ALPK2: variants seen among roughly 807,000 people sequenced by gnomAD.
The protein encoded by ALPK2 is alpha-protein kinase 2.
Under a neutral mutation model 163.1 loss-of-function variants are expected in ALPK2, and 127 were observed. That is an observed-to-expected ratio of 0.78 (90% CI 0.67 to 0.90). The LOEUF is 0.90. ALPK2 is among the 40% of genes least tolerant of loss of function. The pLI is 0.00. For missense variants in ALPK2, 2,360 were observed against 2,589.6 expected (o/e 0.91, Z 1.92); for synonymous variants, 953 against 959.1 (o/e 0.99, Z 0.12).
chr18:58,578,734 A>ACACACACACGCGCGCACGCGCGCGCG (rs745812070), intron 4 of ALPK2, 80 bp downstream of exon 4: 88 of 396,664 alleles, frequency 2.2e-4, no homozygotes, highest in South Asian at 2.2e-4. Flanking sequence ...AAAGGAAGAG[A>ACACACACACGCGCGCACGCGCGCGCG]CACACACACA....
intron 12 of ALPK2, among the ~76,000 whole-genome samples, chr18:58,487,628 T>C (rs747880218): frequency 4.5e-4 from 69 of 152,246 alleles, no homozygotes; most frequent in Non-Finnish European, 7.3e-5. Flanking sequence ...CTTTTTGTCC[T>C]TAACCTCTAA....
At chr18:58,542,592 T>A (rs1237933632) in intron 4 of ALPK2, among the ~76,000 whole-genome samples, 2 of 152,128 alleles carry the variant, frequency 1.3e-5, no homozygotes, top group East Asian at 3.9e-4. Context: ...CTATAAGGTA[T>A]AAGGAAACTG....
Position 58,518,849 on chromosome 18 carries a change from C to G in ALPK2, c.5666-1667G>C, listed in dbSNP as rs115010146. ...CCCTGTCACTTCTCTAAAAATGCACCATTCTTTGTTGTAGATGCTGTATAA... is the reference window on the plus strand; with the variant it reads ...CCCTGTCACTTCTCTAAAAATGCACGATTCTTTGTTGTAGATGCTGTATAA... On this transcript the variant is annotated intron_variant, in intron 8 of 12. Coordinates refer to ENST00000361673, the MANE Select transcript of ALPK2 (RefSeq NM_052947.4). Among the ~76,000 whole-genome samples the G allele has an allele frequency of 3.2e-3, 484 of 152,242 alleles. 1 individual carries two copies. Among genetic ancestry groups the G allele is most frequent in the African/African-American group, 0.011 (457 of 41,534 alleles).
Position 58,481,877 on chromosome 18 carries a change from G to A in ALPK2, c.6459C>T (p.Asn2153=), listed in dbSNP as rs61743671. Residue 2153 remains asparagine (N), a synonymous_variant, in exon 13 of 13, where the codon AAC becomes AAT. Coordinates refer to ENST00000361673, the MANE Select transcript of ALPK2 (RefSeq NM_052947.4). ...PSIGKSKVQT[N]SMTIKKAGPE... Reference sequence around the variant, plus strand: ...GCCCTGCCTTCTTTATTGTCATAGAGTTTGTTTGAACTTTGCTTTTCCCAA... The same window carrying A: ...GCCCTGCCTTCTTTATTGTCATAGAATTTGTTTGAACTTTGCTTTTCCCAA... 1.1e-3 allele frequency: 1,848 copies of A among 1,614,032 alleles called. 26 individuals carry two copies. The African/African-American group carries it at 0.023, about 20-fold the overall frequency.
At chr18:58,560,383 A>C (rs1451514280) in intron 4 of ALPK2, among the ~76,000 whole-genome samples, 3 of 152,232 alleles carry the variant, frequency 2.0e-5, no homozygotes, top group Non-Finnish European at 2.9e-5. Flanking sequence ...TGTCTTTATC[A>C]GCAGCATGAA....
Position 58,504,019 on chromosome 18 carries a change from T to G in ALPK2, c.6159A>C (p.Arg2053Ser). 1 of 1,614,218 alleles carries G rather than the reference T, an allele frequency of 6.2e-7. No individual in the cohort carries two copies. Among genetic ancestry groups the G allele is most frequent in the Non-Finnish European group, 8.5e-7 (1 of 1,180,034 alleles). The change falls in exon 11 of 13, where the codon AGA becomes AGC. Residue 2053 changes from arginine (R) to serine (S), a missense_variant. Coordinates refer to ENST00000361673, the MANE Select transcript of ALPK2 (RefSeq NM_052947.4). ...RDGKEINFLRRESEAGQKCCT... is the reference protein window; with the variant it reads ...RDGKEINFLRSESEAGQKCCT... The stretch of plus-strand genomic sequence containing the variant: ...AACATTTCTGACCAGCTTCTGATTC[T>G]CTTCTCAAGAAGTTTATTTCTTTCC...
chr18:58,607,913 T>C (rs942245828), intron 2 of ALPK2, among the ~76,000 whole-genome samples: 2 of 152,340 alleles, frequency 1.3e-5, no homozygotes, highest in Middle Eastern at 3.4e-3. Flanking sequence ...ATAATTTCCA[T>C]CTAGGAGAAA....
intron 10 of ALPK2, among the ~76,000 whole-genome samples, chr18:58,505,538 T>A (rs1602190455): frequency 6.6e-6 from 1 of 152,130 alleles, no homozygotes; most frequent in African/African-American, 2.4e-5. Flanking sequence ...CCTCCAGGTA[T>A]TGCTCCAGCA....
chr18:58,608,065 T>C (rs767053517), intron 2 of ALPK2, among the ~76,000 whole-genome samples: 11 of 152,370 alleles, frequency 7.2e-5, no homozygotes, highest in Non-Finnish European at 1.2e-4. Flanking sequence ...TTCTGGTTTC[T>C]TCTCTAATTA....
chr18:58,628,152 T>A (rs2052241365), intron 1 of ALPK2, among the ~76,000 whole-genome samples: 1 of 152,208 alleles, frequency 6.6e-6, no homozygotes, highest in African/African-American at 2.4e-5. Flanking sequence ...CTTTTTGCCT[T>A]AAATTTTTTT....
intron 4 of ALPK2, among the ~76,000 whole-genome samples, chr18:58,546,473 C>A (rs902302373): frequency 2.2e-4 from 34 of 152,170 alleles, no homozygotes; most frequent in African/African-American, 8.2e-4. Flanking sequence ...TATTGTACAT[C>A]TCAGGTGAGG....
At chr18:58,596,928 C>G (rs2052044189) in intron 3 of ALPK2, among the ~76,000 whole-genome samples, 1 of 152,168 alleles carries the variant, frequency 6.6e-6, no homozygotes, top group Non-Finnish European at 1.5e-5. Flanking sequence ...CCAACCAGTT[C>G]TCCTACCTCA....
In ALPK2 at chr18:58,503,344, G is replaced by A. The variant is rs556051239; in HGVS notation, c.6247+587C>T. The stretch of plus-strand genomic sequence containing the variant: ...GGCCTATTGAGGATAGAACAGTAAA[G>A]CCAATCTCTGGTTACCTGTTGTAAT... On this transcript the variant is annotated intron_variant, in intron 11 of 12. Coordinates refer to ENST00000361673, the MANE Select transcript of ALPK2 (RefSeq NM_052947.4). Among the ~76,000 whole-genome samples, 9 of 152,290 alleles carry A rather than the reference G, an allele frequency of 5.9e-5. No homozygotes were observed. The South Asian group carries it at 1.7e-3, about 28-fold the overall frequency.
intron 12 of ALPK2, among the ~76,000 whole-genome samples, chr18:58,492,164 ACACAC>A (rs1428446074): frequency 7.3e-6 from 1 of 137,124 alleles, no homozygotes; most frequent in Non-Finnish European, 1.6e-5. Context: ...CACACACACA[ACACAC>A]AGAGGCAGAC....
At chr18:58,601,828 G>T (rs930232671) in intron 3 of ALPK2, among the ~76,000 whole-genome samples, 13 of 152,214 alleles carry the variant, frequency 8.5e-5, no homozygotes, top group African/African-American at 2.4e-5. Flanking sequence ...CTAAGAAACT[G>T]CTGCTCTACG....
At chr18:58,492,829 A>G (rs557581017) in intron 12 of ALPK2, among the ~76,000 whole-genome samples, 34 of 152,332 alleles carry the variant, frequency 2.2e-4, no homozygotes, top group Non-Finnish European at 4.4e-4. Context: ...GGTAGAGGCC[A>G]GGATACTGCT....
intron 3 of ALPK2, among the ~76,000 whole-genome samples, chr18:58,602,303 C>T (rs1475661427): frequency 6.6e-6 from 1 of 152,164 alleles, no homozygotes; most frequent in African/African-American, 2.4e-5. Context: ...GCTTGGCTAC[C>T]CCATGTATTA....
intron 4 of ALPK2, among the ~76,000 whole-genome samples, chr18:58,574,215 G>A (rs556725264): frequency 5.3e-5 from 8 of 151,582 alleles, no homozygotes; most frequent in East Asian, 1.9e-4. Flanking sequence ...AGGCTGAGGC[G>A]GGGCGGATCA....
chr18:58,613,405 C>A (rs554897823), intron 1 of ALPK2, among the ~76,000 whole-genome samples: 4 of 152,234 alleles, frequency 2.6e-5, no homozygotes, highest in Non-Finnish European at 4.4e-5. Flanking sequence ...AAACCAAAGA[C>A]AGCACCTGGC....
Sources: gnomAD v4.1 joint callset for allele counts (sites outside exome capture counted in the v4.1 genomes callset) on GRCh38, gnomAD v4.1.1 for gene constraint, MANE v1.5 for transcripts, NCBI Gene and HGNC (gene_info 2026-07-23, HGNC 2026-07-21) for gene names.